The following ARHGAP32 variants were observed in gnomAD, a reference collection of about 807,000 sequenced individuals.
The protein encoded by ARHGAP32 is Rho GTPase activating protein 32, also known as rho GTPase-activating protein 32.
ARHGAP32 carries 51 observed loss-of-function variants against 186.5 expected under a neutral mutation model. That is an observed-to-expected ratio of 0.27 (90% CI 0.22 to 0.35). The LOEUF is 0.35. ARHGAP32 is among the 10% of genes least tolerant of loss of function. The pLI is 1.00. For synonymous variants in ARHGAP32, 950 were observed against 964.3 expected, an observed-to-expected ratio of 0.99 and a Z score of 0.27; for missense variants, 2,186 against 2,623.5, an observed-to-expected ratio of 0.83 and a Z score of 3.64.
chr11:128,987,981 A>T, intron 13 of ARHGAP32, 42 bp downstream of exon 13: 1 of 1,256,804 alleles, frequency 8.0e-7, no homozygotes, highest in Non-Finnish European at 1.1e-6. Flanking sequence ...TTGCATTTTA[A>T]TTAGTTAAGA....
chr11:129,242,927 A>G (rs1945038859), intron 1 of ARHGAP32, among the ~76,000 whole-genome samples: 2 of 152,024 alleles, frequency 1.3e-5, no homozygotes, highest in African/African-American at 4.8e-5. Context: ...CTGCACACAC[A>G]CACCTACCTG....
intron 6 of ARHGAP32, among the ~76,000 whole-genome samples, chr11:129,075,948 T>G (rs2135197704): frequency 6.6e-6 from 1 of 152,046 alleles, no homozygotes; most frequent in South Asian, 2.1e-4. Context: ...CGGTACAAAA[T>G]ACAGATCACA....
rs760311247 is a variant in ARHGAP32, at chr11:128,985,858, G to GTGTA, written c.1526+144_1526+145insTACA. ...TGTGTGTGTGTGTGTGTGTGTGTGT[G>GTGTA]TATATATATATATATATATATATAT... On this transcript the variant is annotated intron_variant, in intron 15 of 22. Transcript: ENST00000682385. 826 of 95,914 alleles carry GTGTA rather than the reference G, an allele frequency of 8.6e-3. 5 individuals carry two copies. Among genetic ancestry groups the GTGTA allele is most frequent in the East Asian group, 0.043 (134 of 3,102 alleles). The allele number at this position is 95,914 out of a possible 1,614,324, so 5.9% of individuals were successfully genotyped here.
intron 5 of ARHGAP32, among the ~76,000 whole-genome samples, chr11:129,094,400 T>A (rs762666576): frequency 2.0e-5 from 3 of 152,114 alleles, no homozygotes; most frequent in South Asian, 2.1e-4. Context: ...CAAAAAAAAA[T>A]TCACCATGTA....
chr11:129,267,412 T>TGTTC (rs140738131), intron 1 of ARHGAP32, among the ~76,000 whole-genome samples: 21 of 73,476 alleles, frequency 2.9e-4, no homozygotes, highest in Non-Finnish European at 5.6e-4. Flanking sequence ...CTGAATTCTC[T>TGTTC]GACTCTGATC....
At chr11:129,185,834 G>C (rs1591682492) in intron 1 of ARHGAP32, among the ~76,000 whole-genome samples, 1 of 151,790 alleles carries the variant, frequency 6.6e-6, no homozygotes, top group East Asian at 1.9e-4. Context: ...GAAAGAGAGA[G>C]AGAAAACCTG....
chr11:129,112,208 A>G (rs1942240405), intron 5 of ARHGAP32, among the ~76,000 whole-genome samples: 1 of 151,628 alleles, frequency 6.6e-6, no homozygotes, highest in African/African-American at 2.4e-5. Context: ...GCACCACTGT[A>G]CTCCAGCCTG....
At chr11:129,235,049 T>C (rs1481194932) in intron 1 of ARHGAP32, among the ~76,000 whole-genome samples, 3 of 152,170 alleles carry the variant, frequency 2.0e-5, no homozygotes, top group African/African-American at 7.2e-5. Flanking sequence ...TCATCTTGCA[T>C]TTCAGGTGGG....
intron 10 of ARHGAP32, among the ~76,000 whole-genome samples, chr11:129,052,524 A>G (rs1433968802): frequency 6.6e-6 from 1 of 152,212 alleles, no homozygotes; most frequent in Non-Finnish European, 1.5e-5. Context: ...CCATAAAAAC[A>G]GTATATCTCT....
chr11:129,129,872 CAA>C (rs1942772105), intron 2 of ARHGAP32, among the ~76,000 whole-genome samples: 1 of 152,084 alleles, frequency 6.6e-6, no homozygotes, highest in Admixed American at 6.5e-5. Context: ...TTATAATTAA[CAA>C]AAGAGTTGAA....
At chr11:128,979,988 G>A (rs970091078) in intron 18 of ARHGAP32, among the ~76,000 whole-genome samples, 2 of 152,200 alleles carry the variant, frequency 1.3e-5, no homozygotes, top group African/African-American at 4.8e-5. Context: ...GAATCACCTG[G>A]AAAGTTAGAT....
chr11:128,987,754 G>A (rs746888977), intron 13 of ARHGAP32, among the ~76,000 whole-genome samples: 11 of 152,036 alleles, frequency 7.2e-5, no homozygotes, highest in African/African-American at 2.7e-4. Flanking sequence ...GGCTGTCATC[G>A]GTTCAAACTC....
chr11:129,252,756 G>A (rs779802201), intron 1 of ARHGAP32, among the ~76,000 whole-genome samples: 19 of 152,142 alleles, frequency 1.2e-4, no homozygotes, highest in South Asian at 4.1e-4. Context: ...CCACAGTCTC[G>A]GGGAGGCTAC....
At chr11:128,991,053 TA>T (rs1480023196) in intron 12 of ARHGAP32, among the ~76,000 whole-genome samples, 3 of 150,724 alleles carry the variant, frequency 2.0e-5, no homozygotes, top group African/African-American at 7.3e-5. Context: ...TTCATAAAAA[TA>T]AGCTACCATT....
intron 11 of ARHGAP32, among the ~76,000 whole-genome samples, chr11:129,027,918 G>C (rs1300673828): frequency 6.6e-6 from 1 of 152,126 alleles, no homozygotes; most frequent in Non-Finnish European, 1.5e-5. Context: ...ATAAATTCTT[G>C]ATCAATTAAT....
chr11:129,229,679 G>A (rs563486083), intron 1 of ARHGAP32, among the ~76,000 whole-genome samples: 3 of 152,186 alleles, frequency 2.0e-5, no homozygotes, highest in East Asian at 1.9e-4. Flanking sequence ...GGAAAACCAC[G>A]ATATATCTGA....
chr11:129,248,023 A>G (rs1268469802), intron 1 of ARHGAP32, among the ~76,000 whole-genome samples: 1 of 152,154 alleles, frequency 6.6e-6, no homozygotes, highest in Non-Finnish European at 1.5e-5. Context: ...GATTAAAAGG[A>G]AAGTGAGGGC....
At position 128,974,488 on chromosome 11, in the gene ARHGAP32, A is replaced by G. The variant is rs1428777697; in HGVS notation, c.2709T>C (p.Tyr903=). Residue 903 remains tyrosine (Y), a synonymous_variant, in exon 21 of 23, where the codon TAT becomes TAC. Transcript: ENST00000682385. The part of the protein sequence containing the change: ...KPSSFTEKVV[Y]AFSPKIGRKL... ...TCCGTCCTATCTTCGGAGAGAAAGCATAGACGACCTTTTCAGTAAAGGAGG... is the reference window on the plus strand; with the variant it reads ...TCCGTCCTATCTTCGGAGAGAAAGCGTAGACGACCTTTTCAGTAAAGGAGG... The G allele has an allele frequency of 1.2e-6, 2 of 1,614,230 alleles. No individual in the cohort carries two copies. Among genetic ancestry groups the G allele is most frequent in the South Asian group, 2.2e-5 (2 of 91,084 alleles).
upstream of ARHGAP32, among the ~76,000 whole-genome samples, chr11:129,194,556 G>A (rs1334442708): frequency 6.6e-6 from 1 of 152,108 alleles, no homozygotes; most frequent in Non-Finnish European, 1.5e-5. Context: ...GAGGAGTTAG[G>A]AGAAACAAAT....
Sources: allele counts gnomAD v4.1 joint callset (sites outside exome capture counted in the v4.1 genomes callset), GRCh38; gene constraint gnomAD v4.1.1; transcripts MANE v1.5; gene names NCBI Gene and HGNC (gene_info 2026-07-23, HGNC 2026-07-21).